The following NKAIN1 variants were observed in gnomAD, a reference collection of about 807,000 sequenced individuals.
The protein encoded by NKAIN1 is sodium/potassium transporting ATPase interacting 1.
In NKAIN1, 13 loss-of-function variants were observed where a neutral mutation model predicts 31.6. The observed-to-expected ratio is 0.41, with a 90% CI of 0.27 to 0.65. The LOEUF is 0.65. Ranked by LOEUF, NKAIN1 falls within the 30% of genes least tolerant of loss-of-function variation. The pLI is 0.30. For missense variants in NKAIN1, 193 were observed against 262.2 expected, an observed-to-expected ratio of 0.74 and a Z score of 1.82; for synonymous variants, 104 against 109.0, an observed-to-expected ratio of 0.95 and a Z score of 0.28.
At chr1:31,231,617 G>A (rs1168735952) in intron 1 of NKAIN1, among the ~76,000 whole-genome samples, 2 of 152,072 alleles carry the variant, frequency 1.3e-5, no homozygotes, top group Admixed American at 1.3e-4. Flanking sequence ...TGCAAGCTCC[G>A]CCTCCTGGGT....
intron 1 of NKAIN1, among the ~76,000 whole-genome samples, chr1:31,219,734 G>A (rs1001485067): frequency 4.6e-5 from 7 of 152,362 alleles, no homozygotes; most frequent in African/African-American, 1.4e-4. Context: ...GACTCCAGGA[G>A]TAGCCCAAGG....
At position 31,185,191 on chromosome 1, in the gene NKAIN1, C is replaced by T. The variant is rs1017118237; in HGVS notation, c.273+56G>A. The T allele has an allele frequency of 1.4e-5, 20 of 1,409,394 alleles. No homozygotes were observed. The Middle Eastern group carries it at 1.8e-3, about 123-fold the overall frequency. The allele number at this position is 1,409,394 out of a possible 1,614,324, so 87.3% of individuals were successfully genotyped here. On this transcript the variant is annotated intron_variant, in intron 3 of 6. Coordinates refer to ENST00000373736, the MANE Select transcript of NKAIN1 (RefSeq NM_024522.3). ...GTCCTATACCACAGTACCCTTAGGG[C>T]AGGGGATGGGAATGGTCAGGCTCTG...
intron 1 of NKAIN1, among the ~76,000 whole-genome samples, chr1:31,229,557 T>A (rs551297316): frequency 6.6e-6 from 1 of 152,124 alleles, no homozygotes; most frequent in Non-Finnish European, 1.5e-5. Context: ...TTTTTTTTCT[T>A]TTTTTGAGAC....
chr1:31,193,179 C>T (rs1360875553), intron 1 of NKAIN1, among the ~76,000 whole-genome samples: 1 of 151,694 alleles, frequency 6.6e-6, no homozygotes, highest in Non-Finnish European at 1.5e-5. Context: ...CACCATTCTC[C>T]TGCCTCAGCC....
chr1:31,184,123 C>T, intron 3 of NKAIN1, 109 bp from the exon 4 acceptor site: 1 of 915,994 alleles, frequency 1.1e-6, no homozygotes, highest in Non-Finnish European at 1.6e-6. Context: ...AGGGAGCCTG[C>T]ACCTGCAAGT....
intron 1 of NKAIN1, among the ~76,000 whole-genome samples, chr1:31,207,441 C>T (rs1326377634): frequency 7.9e-5 from 12 of 152,214 alleles, no homozygotes; most frequent in Non-Finnish European, 1.8e-4. Context: ...TGATTGTTCC[C>T]TGTAGTGCAG....
chr1:31,208,434 A>T (rs531770927), intron 1 of NKAIN1, among the ~76,000 whole-genome samples: 13 of 152,162 alleles, frequency 8.5e-5, no homozygotes, highest in South Asian at 4.2e-4. Context: ...GATTTCTTTC[A>T]TTCTTTCCAG....
intron 1 of NKAIN1, among the ~76,000 whole-genome samples, chr1:31,202,318 T>C (rs1387241274): frequency 1.3e-5 from 2 of 152,136 alleles, no homozygotes; most frequent in African/African-American, 4.8e-5. Flanking sequence ...TATATCTACA[T>C]TAATTTGCAT....
At chr1:31,228,651 C>T (rs542276327) in intron 1 of NKAIN1, among the ~76,000 whole-genome samples, 3 of 152,060 alleles carry the variant, frequency 2.0e-5, no homozygotes, top group South Asian at 2.1e-4. Flanking sequence ...TGGAGTACAG[C>T]GGCATGATCT....
intron 1 of NKAIN1, among the ~76,000 whole-genome samples, chr1:31,207,539 C>T (rs1645434179): frequency 6.6e-6 from 1 of 152,102 alleles, no homozygotes; most frequent in African/African-American, 2.4e-5. Context: ...CACTTTGAGG[C>T]CAGGTGGTAT....
chr1:31,187,982 C>A, intron 2 of NKAIN1, 68 bp downstream of exon 2: 1 of 1,488,118 alleles, frequency 6.7e-7, no homozygotes, highest in Non-Finnish European at 9.0e-7. Flanking sequence ...TTTTGAGGAG[C>A]AGGGAGGGGT....
intron 1 of NKAIN1, among the ~76,000 whole-genome samples, chr1:31,214,105 G>T (rs1193673886): frequency 6.6e-6 from 1 of 151,976 alleles, no homozygotes; most frequent in Non-Finnish European, 1.5e-5. Context: ...CCATAAGAAA[G>T]AATGAAGTAT....
At chr1:31,230,226 T>G (rs763876301) in intron 1 of NKAIN1, among the ~76,000 whole-genome samples, 1 of 152,126 alleles carries the variant, frequency 6.6e-6, no homozygotes, top group Non-Finnish European at 1.5e-5. Flanking sequence ...GAGCTCCCAC[T>G]CCACACGTTT....
At chr1:31,229,907 A>G (rs1457165829) in intron 1 of NKAIN1, among the ~76,000 whole-genome samples, 1 of 152,212 alleles carries the variant, frequency 6.6e-6, no homozygotes, top group South Asian at 2.1e-4. Context: ...AGAGGCCCAA[A>G]GAGGCCACGC....
intron 1 of NKAIN1, among the ~76,000 whole-genome samples, chr1:31,223,679 C>T (rs1169303367): frequency 6.6e-6 from 1 of 152,134 alleles, no homozygotes; most frequent in Admixed American, 6.5e-5. Flanking sequence ...CTCCTGACCT[C>T]GTGATTCGCC....
intron 1 of NKAIN1, among the ~76,000 whole-genome samples, chr1:31,234,946 C>A (rs952704126): frequency 6.6e-6 from 1 of 152,168 alleles, no homozygotes; most frequent in East Asian, 1.9e-4. Context: ...ATTTCCTCAC[C>A]TGAAAAAGGG....
At chr1:31,224,656 C>G (rs1166689764) in intron 1 of NKAIN1, among the ~76,000 whole-genome samples, 1 of 152,242 alleles carries the variant, frequency 6.6e-6, no homozygotes, top group Non-Finnish European at 1.5e-5. Context: ...GATGAAGCAA[C>G]TTGAGGATCA....
chr1:31,225,937 C>T (rs954804637), intron 1 of NKAIN1, among the ~76,000 whole-genome samples: 4 of 152,234 alleles, frequency 2.6e-5, no homozygotes, highest in African/African-American at 9.6e-5. Context: ...GCTCTGGACT[C>T]AGGTGCCTGC....
chr1:31,197,450 G>A (rs186190367), intron 1 of NKAIN1, among the ~76,000 whole-genome samples: 2 of 151,728 alleles, frequency 1.3e-5, no homozygotes, highest in Non-Finnish European at 2.9e-5. Context: ...GTTTCACCAT[G>A]TTGGTCAGGT....
Sources: gnomAD v4.1 joint callset for allele counts (sites outside exome capture counted in the v4.1 genomes callset) on GRCh38, gnomAD v4.1.1 for gene constraint, MANE v1.5 for transcripts, NCBI Gene and HGNC (gene_info 2026-07-23, HGNC 2026-07-21) for gene names.